Variants in MAOA observed in about 807,000 individuals in gnomAD.
MAOA encodes amine oxidase [flavin-containing] A.
Under a neutral mutation model 42.0 loss-of-function variants are expected in MAOA, and 6 were observed. The ratio of observed to expected loss-of-function variants is 0.14; its 90% CI spans 0.08 to 0.28. MAOA has a LOEUF of 0.28. MAOA is among the 10% of genes least tolerant of loss of function. The probability of loss-of-function intolerance (pLI) is 1.00; values close to 1 mark genes in which losing one functional copy is unlikely to be tolerated. For synonymous variants in MAOA, 140 were observed against 154.0 expected (o/e 0.91, Z 0.67); for missense variants, 262 against 422.3 (o/e 0.62, Z 3.33).
chrX:43,691,198 C>T (rs2033529997), intron 2 of MAOA, among the ~76,000 whole-genome samples: 1 of 110,116 alleles, frequency 9.1e-6, no homozygotes, highest in African/African-American at 3.3e-5. Context: ...GCCTGAGCAA[C>T]CCTAACCCTA....
chrX:43,694,889 T>C (rs1310559225), intron 3 of MAOA, among the ~76,000 whole-genome samples: 1 of 112,174 alleles, frequency 8.9e-6, no homozygotes, highest in East Asian at 2.8e-4. Context: ...TGCAGATTCA[T>C]GCTGATAAGA....
chrX:43,697,822 T>C (rs1182797967), intron 3 of MAOA, among the ~76,000 whole-genome samples: 1 of 111,950 alleles, frequency 8.9e-6, no homozygotes, highest in Non-Finnish European at 1.9e-5. Flanking sequence ...TTTTTATGAT[T>C]ATCAGGAAAC....
At chrX:43,682,350 C>T (rs775902519) in intron 1 of MAOA, among the ~76,000 whole-genome samples, 21 of 110,883 alleles carry the variant, frequency 1.9e-4, no homozygotes, top group South Asian at 3.9e-4. Context: ...TAAGATGAGT[C>T]GGGAGCATTG....
Position 43,736,220 on chromosome X carries a change from T to G in MAOA, c.1053-7T>G, listed in dbSNP as rs893183392. 8.4e-7 allele frequency: 1 copy of G among 1,187,673 alleles called. No individual in the cohort carries two copies. Among genetic ancestry groups the G allele is most frequent in the Non-Finnish European group, 1.1e-6 (1 of 876,406 alleles). On this transcript the variant is annotated splice_polypyrimidine_tract_variant and splice_region_variant and intron_variant, in intron 9 of 14. Coordinates refer to ENST00000338702, the MANE Select transcript of MAOA (RefSeq NM_000240.4). ...ACCTGATCATTCAATGTAACCTCTCTCTCCAGCTTCATTCTTGCCCGGAAA... is the reference window on the plus strand; with the variant it reads ...ACCTGATCATTCAATGTAACCTCTCGCTCCAGCTTCATTCTTGCCCGGAAA...
intron 1 of MAOA, among the ~76,000 whole-genome samples, chrX:43,658,708 A>G (rs1410338497): frequency 4.5e-5 from 5 of 111,967 alleles, no homozygotes; most frequent in Non-Finnish European, 7.5e-5. Context: ...CATCTCCATC[A>G]GTCAGATCTG....
At chrX:43,733,752 G>A (rs2033899866) in intron 9 of MAOA, among the ~76,000 whole-genome samples, 1 of 111,776 alleles carries the variant, frequency 8.9e-6, no homozygotes, top group Non-Finnish European at 1.9e-5. Context: ...AAATTACAAA[G>A]GCAAAAGGAG....
At chrX:43,738,434 T>C (rs929944658) in intron 10 of MAOA, among the ~76,000 whole-genome samples, 5 of 112,400 alleles carry the variant, frequency 4.4e-5, no homozygotes, top group African/African-American at 1.3e-4. Flanking sequence ...TAATTGTTTT[T>C]AACATTCATG....
At position 43,745,132 on chromosome X, in the gene MAOA, C is replaced by T. The variant is rs1248299480; in HGVS notation, c.*619C>T. On this transcript the variant is annotated 3_prime_UTR_variant, in exon 15 of 15. Transcript: ENST00000338702. ...ATCTCCTGACCACTTGTAGTCCCTC[C>T]GACTTCTCTAGACATCTAGTCTCAG... is the stretch of plus-strand genomic sequence containing the variant. 1.7e-5 allele frequency: 2 copies of T among 118,488 alleles called. No individual in the cohort carries two copies. Among genetic ancestry groups the T allele is most frequent in the Admixed American group, 8.3e-5 (1 of 12,105 alleles). The allele number at this position is 118,488 out of a possible 1,213,427, so 9.8% of individuals were successfully genotyped here.
At chrX:43,663,346 C>T (rs987371828) in intron 1 of MAOA, among the ~76,000 whole-genome samples, 3 of 111,571 alleles carry the variant, frequency 2.7e-5, no homozygotes, top group Non-Finnish European at 3.8e-5. Flanking sequence ...AAACAAAGCA[C>T]ACTCAATAAC....
At chrX:43,663,968 C>T (rs1248325804) in intron 1 of MAOA, among the ~76,000 whole-genome samples, 1 of 111,762 alleles carries the variant, frequency 8.9e-6, no homozygotes, top group African/African-American at 3.2e-5. Context: ...CCAAAAAATG[C>T]GTATTTTTAC....
intron 9 of MAOA, among the ~76,000 whole-genome samples, chrX:43,733,047 C>T (rs1443630014): frequency 8.9e-6 from 1 of 112,020 alleles, no homozygotes; most frequent in Non-Finnish European, 1.9e-5. Context: ...ACAAAGCTTA[C>T]GTGTTGAGGA....
Position 43,733,457 on chromosome X carries a change from T to C in MAOA, c.1052+662T>C, listed in dbSNP as rs145360554. On this transcript the variant is annotated intron_variant, in intron 9 of 14. Transcript: ENST00000338702. ...TCCCCTCTCTTCTCATTCCGGCACA[T>C]AGCTGTCCTACTCGTTGGGGGCTGG... Among the ~76,000 whole-genome samples, 679 of 111,600 alleles carry C rather than the reference T, an allele frequency of 6.1e-3. 2 individuals are homozygous for C. The highest frequency in any genetic ancestry group is 0.021 in the African/African-American group (629 of 30,641).
At chrX:43,665,128 G>A (rs1601924150) in intron 1 of MAOA, among the ~76,000 whole-genome samples, 1 of 111,767 alleles carries the variant, frequency 8.9e-6, no homozygotes, top group East Asian at 2.8e-4. Flanking sequence ...TTGTGCTCTG[G>A]GCATTGTTCA....
chrX:43,733,508 C>T (rs2033898238), intron 9 of MAOA, among the ~76,000 whole-genome samples: 1 of 111,540 alleles, frequency 9.0e-6, no homozygotes. Context: ...AAGTGGTGTC[C>T]CCACAAATGA....
chrX:43,743,956 T>A, intron 13 of MAOA, 51 bp downstream of exon 13: 1 of 1,170,823 alleles, frequency 8.5e-7, no homozygotes, highest in East Asian at 3.2e-5. Context: ...GCAACGTTTT[T>A]GGCATCTGGT....
chrX:43,725,789 T>A (rs1156998202), intron 5 of MAOA, among the ~76,000 whole-genome samples: 1 of 112,185 alleles, frequency 8.9e-6, no homozygotes, highest in African/African-American at 3.2e-5. Flanking sequence ...CAATTTGGCA[T>A]GTTTTTGCAG....
chrX:43,719,447 T>C (rs2033771081), intron 5 of MAOA, among the ~76,000 whole-genome samples: 1 of 110,914 alleles, frequency 9.0e-6, no homozygotes, highest in Non-Finnish European at 1.9e-5. Context: ...GTCCGGGGGA[T>C]ACCGGAAGGG....
chrX:43,675,233 C>T (rs1490566613), intron 1 of MAOA, among the ~76,000 whole-genome samples: 2 of 111,903 alleles, frequency 1.8e-5, no homozygotes, highest in Non-Finnish European at 1.9e-5. Context: ...CTGATCGCAT[C>T]GGCTCCTGAG....
At chrX:43,694,463 CA>C (rs1416646453) in intron 3 of MAOA, among the ~76,000 whole-genome samples, 1 of 111,794 alleles carries the variant, frequency 8.9e-6, no homozygotes, top group African/African-American at 3.3e-5. Context: ...AAAAGCAAAT[CA>C]GTAGTCTTTT....
Sources: gnomAD v4.1 joint callset for allele counts (sites outside exome capture counted in the v4.1 genomes callset) on GRCh38, gnomAD v4.1.1 for gene constraint, MANE v1.5 for transcripts, NCBI Gene and HGNC (gene_info 2026-07-23, HGNC 2026-07-21) for gene names.